The following PPP2R2B variants were observed in gnomAD, a reference collection of about 807,000 sequenced individuals.
PPP2R2B encodes the protein serine/threonine-protein phosphatase 2A 55 kDa regulatory subunit B beta isoform.
A neutral mutation model predicts 46.0 loss-of-function variants in PPP2R2B; 5 were observed. The ratio of observed to expected loss-of-function variants is 0.11; its 90% CI spans 0.06 to 0.23. PPP2R2B has a LOEUF of 0.23. Ranked by LOEUF, PPP2R2B falls within the 10% of genes least tolerant of loss-of-function variation. PPP2R2B has a pLI of 1.00. For missense variants in PPP2R2B, 367 were observed against 575.0 expected (o/e 0.64, Z 3.70); for synonymous variants, 215 against 206.7 (o/e 1.04, Z -0.34).
At chr5:146,924,293 C>G (rs1763708358) in intron 1 of PPP2R2B, among the ~76,000 whole-genome samples, 1 of 152,174 alleles carries the variant, frequency 6.6e-6, no homozygotes, top group Non-Finnish European at 1.5e-5. Context: ...GCTGTCTTTG[C>G]TTACAAGGAC....
chr5:146,931,670 A>T (rs1763974158), intron 1 of PPP2R2B, among the ~76,000 whole-genome samples: 1 of 152,162 alleles, frequency 6.6e-6, no homozygotes, highest in East Asian at 1.9e-4. Flanking sequence ...GGTATGGGAA[A>T]AACCTGGGGA....
intron 1 of PPP2R2B, among the ~76,000 whole-genome samples, chr5:146,933,923 C>T (rs376033076): frequency 1.9e-4 from 28 of 149,834 alleles, no homozygotes; most frequent in African/African-American, 5.2e-4. Flanking sequence ...TGAGTGAGAA[C>T]ATGCGGTGTT....
At chr5:146,903,380 GCTTT>G (rs1762898194) in intron 1 of PPP2R2B, among the ~76,000 whole-genome samples, 1 of 139,174 alleles carries the variant, frequency 7.2e-6, no homozygotes, top group Admixed American at 7.5e-5. Flanking sequence ...TTTCTTTCTT[GCTTT>G]CTTTCTCTTT....
chr5:146,776,576 T>C (rs913807569), intron 2 of PPP2R2B, among the ~76,000 whole-genome samples: 30 of 152,162 alleles, frequency 2.0e-4, no homozygotes, highest in African/African-American at 5.8e-4. Context: ...CAAATGTGTA[T>C]TATGTCAGAC....
intron 7 of PPP2R2B, among the ~76,000 whole-genome samples, chr5:146,617,720 A>G (rs1420836357): frequency 6.7e-6 from 1 of 148,484 alleles, no homozygotes; most frequent in Non-Finnish European, 1.5e-5. Flanking sequence ...TTTGAAGCAG[A>G]GTCTCGCTCT....
intron 2 of PPP2R2B, among the ~76,000 whole-genome samples, chr5:146,812,801 A>ATATATATATATATG (rs1412864409): frequency 7.8e-5 from 4 of 51,182 alleles, no homozygotes; most frequent in Non-Finnish European, 1.1e-4. Flanking sequence ...GTGTATATAT[A>ATATATATATATATG]TATATATATA....
chr5:146,689,808 T>A (rs990784629), intron 5 of PPP2R2B, among the ~76,000 whole-genome samples: 1 of 152,202 alleles, frequency 6.6e-6, no homozygotes, highest in Admixed American at 6.5e-5. Context: ...TGGACTTACA[T>A]GGAGGTTCTC....
chr5:147,046,923 C>G (rs1002607468), intron 1 of PPP2R2B, among the ~76,000 whole-genome samples: 2 of 152,064 alleles, frequency 1.3e-5, no homozygotes, highest in African/African-American at 4.8e-5. Flanking sequence ...CCACTCCCAG[C>G]TTCTGATTTA....
intron 7 of PPP2R2B, among the ~76,000 whole-genome samples, chr5:146,620,724 T>G (rs1269691603): frequency 6.6e-6 from 1 of 152,076 alleles, no homozygotes; most frequent in Non-Finnish European, 1.5e-5. Flanking sequence ...TCTGCCTCCT[T>G]TCTCACGTCT....
intron 2 of PPP2R2B, among the ~76,000 whole-genome samples, chr5:146,757,477 G>A (rs1462284614): frequency 6.6e-6 from 1 of 152,130 alleles, no homozygotes; most frequent in African/African-American, 2.4e-5. Context: ...AACTGCTTTG[G>A]AGTTTAAAGG....
At chr5:146,958,822 T>C (rs1752040778) in intron 1 of PPP2R2B, among the ~76,000 whole-genome samples, 1 of 152,172 alleles carries the variant, frequency 6.6e-6, no homozygotes, top group South Asian at 2.1e-4. Context: ...TGAACTTAGC[T>C]CTTTGTATGT....
intron 1 of PPP2R2B, among the ~76,000 whole-genome samples, chr5:146,958,553 T>A (rs1055677205): frequency 1.1e-4 from 17 of 152,196 alleles, no homozygotes; most frequent in Non-Finnish European, 1.9e-4. Context: ...TAACTCTGTA[T>A]TGTCACGATT....
At chr5:146,688,729 G>A (rs992852408) in intron 5 of PPP2R2B, among the ~76,000 whole-genome samples, 3 of 152,024 alleles carry the variant, frequency 2.0e-5, no homozygotes, top group African/African-American at 7.2e-5. Flanking sequence ...TCATAGGGAT[G>A]GAATTCTCCC....
Position 146,774,632 on chromosome 5 carries a change from C to A in PPP2R2B, c.71-73490G>T, listed in dbSNP as rs186875700. 1.9e-3 allele frequency among the ~76,000 whole-genome samples: 296 copies of A among 152,106 alleles called. 2 individuals are homozygous for A. The highest frequency in any genetic ancestry group is 6.7e-3 in the African/African-American group (279 of 41,514). On this transcript the variant is annotated intron_variant, in intron 2 of 9. Coordinates refer to ENST00000394411, the MANE Select transcript of PPP2R2B (RefSeq NM_181675.4). ...TGGAGTTCGAGACCAGCCTGGCCAA[C>A]ACGGCAAAACCCCGTCTCTACTAAA...
At chr5:146,791,287 T>A (rs1041929469) in intron 2 of PPP2R2B, among the ~76,000 whole-genome samples, 1 of 152,224 alleles carries the variant, frequency 6.6e-6, no homozygotes, top group Non-Finnish European at 1.5e-5. Context: ...ATTGGTCTAT[T>A]CTGAGATATT....
At chr5:146,947,271 C>T (rs1427306996) in intron 1 of PPP2R2B, among the ~76,000 whole-genome samples, 1 of 152,180 alleles carries the variant, frequency 6.6e-6, no homozygotes, top group Non-Finnish European at 1.5e-5. Context: ...ACTTTGGGGT[C>T]TATCTCTTCA....
intron 5 of PPP2R2B, among the ~76,000 whole-genome samples, chr5:146,685,793 A>T (rs930013633): frequency 6.6e-6 from 1 of 152,148 alleles, no homozygotes; most frequent in Non-Finnish European, 1.5e-5. Context: ...CATTGTGTAA[A>T]ATATGATGTC....
In PPP2R2B at chr5:146,812,833, A is replaced by T. The variant is rs1192668012; in HGVS notation, c.70+65169T>A. On this transcript the variant is annotated intron_variant, in intron 2 of 9. Transcript: ENST00000394411. Reference sequence around the variant, plus strand: ...TATATATATATATATATATATACACACACATTTCCATTATAAAACCATCAG... The same window carrying T: ...TATATATATATATATATATATACACTCACATTTCCATTATAAAACCATCAG... Among the ~76,000 whole-genome samples the T allele has an allele frequency of 1.7e-3, 180 of 108,372 alleles. 10 individuals carry two copies. Among genetic ancestry groups the T allele is most frequent in the African/African-American group, 6.3e-3 (174 of 27,418 alleles). The allele number at this position is 108,372 out of a possible 152,430, so 71.1% of individuals were successfully genotyped here.
chr5:146,608,234 A>G (rs961716897), intron 7 of PPP2R2B, among the ~76,000 whole-genome samples: 1 of 152,132 alleles, frequency 6.6e-6, no homozygotes, highest in Non-Finnish European at 1.5e-5. Flanking sequence ...TAGGACTGGT[A>G]GCACCATGAG....
Sources: gnomAD v4.1 joint callset for allele counts (sites outside exome capture counted in the v4.1 genomes callset) on GRCh38, gnomAD v4.1.1 for gene constraint, MANE v1.5 for transcripts, NCBI Gene and HGNC (gene_info 2026-07-23, HGNC 2026-07-21) for gene names.